TAF5L: variants seen among roughly 807,000 people sequenced by gnomAD.
The protein encoded by TAF5L is TAF5-like RNA polymerase II p300/CBP-associated factor-associated factor 65 kDa subunit 5L.
A neutral mutation model predicts 51.3 loss-of-function variants in TAF5L; 7 were observed. The observed-to-expected ratio is 0.14, with a 90% CI of 0.08 to 0.26. The LOEUF is 0.26. Ranked by LOEUF, TAF5L falls within the 10% of genes least tolerant of loss-of-function variation. The pLI, the probability that TAF5L is intolerant of heterozygous loss-of-function variation, is 1.00. For synonymous variants in TAF5L, 291 were observed against 308.1 expected (o/e 0.94, Z 0.58); for missense variants, 575 against 758.9 (o/e 0.76, Z 2.85).
rs1665332176 is a variant in TAF5L at position 229,624,225 on chromosome 1, C to T, written c.-4+1660G>A. 1.3e-5 allele frequency among the ~76,000 whole-genome samples: 2 copies of T among 152,230 alleles called. 1 individual carries two copies. Among genetic ancestry groups the T allele is most frequent in the South Asian group, 4.1e-4 (2 of 4,834 alleles). On this transcript the variant is annotated intron_variant, in intron 1 of 4. Transcript: ENST00000258281. ...CTAGTTTCACAGTGACAGAAGCTCACATAAGCCTCACATTTACAGGCAGGA... is the reference window on the plus strand; with the variant it reads ...CTAGTTTCACAGTGACAGAAGCTCATATAAGCCTCACATTTACAGGCAGGA...
At chr1:229,603,008 G>A in intron 3 of TAF5L, 89 bp from the exon 4 acceptor site, 4 of 1,467,170 alleles carry the variant, frequency 2.7e-6, no homozygotes, top group Non-Finnish European at 2.7e-6. Context: ...ATCATATAAT[G>A]CTTTCTTGCC....
chr1:229,598,242 C>T (rs911081612), intron 4 of TAF5L, among the ~76,000 whole-genome samples: 1 of 152,170 alleles, frequency 6.6e-6, no homozygotes, highest in African/African-American at 2.4e-5. Flanking sequence ...ATATTGCTTA[C>T]ATGCTGAAAT....
At chr1:229,601,463 G>A in intron 4 of TAF5L, 1 of 985,326 alleles carries the variant, frequency 1.0e-6, no homozygotes, top group Non-Finnish European at 1.2e-6. Context: ...ATCTTCCTTG[G>A]CCCACATTTT....
intron 3 of TAF5L, among the ~76,000 whole-genome samples, chr1:229,608,462 T>C (rs1389116048): frequency 1.3e-5 from 2 of 152,220 alleles, no homozygotes; most frequent in Admixed American, 1.3e-4. Context: ...TTCAGTGCAG[T>C]GATCAATTTC....
chr1:229,599,361 G>A (rs1164667364), intron 4 of TAF5L: 2 of 275,960 alleles, frequency 7.2e-6, no homozygotes, highest in Non-Finnish European at 1.1e-5. Flanking sequence ...CATTCACAGA[G>A]TTGTGCAATG....
At chr1:229,600,258 T>C (rs979890625) in intron 4 of TAF5L, 21 of 985,202 alleles carry the variant, frequency 2.1e-5, no homozygotes, top group Non-Finnish European at 2.5e-5. Context: ...TGGGCGGGCA[T>C]GCAGGAAGCC....
chr1:229,624,003 CA>C (rs973960981), intron 1 of TAF5L, among the ~76,000 whole-genome samples: 1 of 152,236 alleles, frequency 6.6e-6, no homozygotes, highest in African/African-American at 2.4e-5. Context: ...ACATACAAGA[CA>C]GGCTGGAAAC....
Position 229,594,688 on chromosome 1 carries a change from G to A in TAF5L, c.1379C>T (p.Ser460Leu), listed in dbSNP as rs375361853. ...ACGGTGGCCTGTGAAAAGCCTCACCGAGTTCCCCTGCTGAGCGCTCCACAG... is the reference window on the plus strand; with the variant it reads ...ACGGTGGCCTGTGAAAAGCCTCACCAAGTTCCCCTGCTGAGCGCTCCACAG... Residue 460 changes from serine (S) to leucine (L), a missense_variant, in exon 5 of 5, where the codon TCG becomes TTG. By Grantham distance (145) the Ser-to-Leu change is moderately radical (BLOSUM62 -2). Transcript: ENST00000258281. The surrounding 1 kb of genome is among the most constrained non-coding windows in gnomAD (Gnocchi z 7.9). 23 of 1,614,056 alleles carry A rather than the reference G, an allele frequency of 1.4e-5. No homozygotes were observed. Among genetic ancestry groups the A allele is most frequent in the East Asian group, 2.2e-5 (1 of 44,882 alleles).
In TAF5L at chr1:229,594,702, A is replaced by G. The variant is rs1250907581; in HGVS notation, c.1365T>C (p.Ala455=). 4 of 1,614,062 alleles carry G rather than the reference A, an allele frequency of 2.5e-6. No homozygotes were observed. Among genetic ancestry groups the G allele is most frequent in the Middle Eastern group, 1.6e-4 (1 of 6,084 alleles). Reference sequence around the variant, plus strand: ...AAAGCCTCACCGAGTTCCCCTGCTGAGCGCTCCACAGCCGGACGGTCTTGT... The same window carrying G: ...AAAGCCTCACCGAGTTCCCCTGCTGGGCGCTCCACAGCCGGACGGTCTTGT... The change falls in exon 5 of 5, where the codon GCT becomes GCC. Residue 455 remains alanine, a synonymous_variant. Coordinates refer to ENST00000258281, the Ensembl canonical transcript of TAF5L. This position sits in a 1 kb window ranked among gnomAD's most constrained non-coding sequence, Gnocchi z 7.9.
Position 229,596,521 on chromosome 1 carries a change from A to T in TAF5L, c.973-1427T>A, listed in dbSNP as rs555443784. Among the ~76,000 whole-genome samples the T allele has an allele frequency of 7.2e-5, 11 of 152,324 alleles. No individual in the cohort carries two copies. The South Asian group carries it at 2.3e-3, about 32-fold the overall frequency. ...AACATCTCCCCCAACGTAACAAAAC[A>T]AGGTGTGGATTCAGAAGTGCTTGAA... On this transcript the variant is annotated intron_variant, in intron 4 of 4. Coordinates refer to ENST00000258281, the Ensembl canonical transcript of TAF5L.
At chr1:229,599,353 T>C (rs1422397179) in intron 4 of TAF5L, 1 of 330,742 alleles carries the variant, frequency 3.0e-6, no homozygotes. Flanking sequence ...TTTTAGTACA[T>C]TCACAGAGTT....
At position 229,601,578 on chromosome 1, in the gene TAF5L, C is replaced by T. The variant is rs141518474; in HGVS notation, c.972+617G>A. 57 of 985,830 alleles carry T rather than the reference C, an allele frequency of 5.8e-5. 1 individual carries two copies. The East Asian group carries it at 7.9e-4, about 14-fold the overall frequency. 61.1% of individuals were successfully genotyped at this position (985,830 alleles called of 1,614,324 possible). A position where few individuals can be genotyped will look rare whatever the true frequency, so the allele number is the denominator to read the frequency against. ...CCAAACAAGATTGAACACTGACTGA[C>T]GGGGGGAGGGGAGCTGGCAACTCTA... is the stretch of plus-strand genomic sequence containing the variant. On this transcript the variant is annotated intron_variant, in intron 4 of 4. Transcript: ENST00000258281.
intron 1 of TAF5L, among the ~76,000 whole-genome samples, chr1:229,619,880 G>A (rs1015590071): frequency 1.1e-4 from 16 of 151,898 alleles, no homozygotes; most frequent in African/African-American, 3.6e-4. Flanking sequence ...TCACATTCCC[G>A]GCTTCACCAC....
intron 1 of TAF5L, among the ~76,000 whole-genome samples, chr1:229,622,950 A>T (rs1215664169): frequency 6.6e-6 from 1 of 152,138 alleles, no homozygotes; most frequent in Non-Finnish European, 1.5e-5. Flanking sequence ...CTTTCCAAGG[A>T]GCTAATCTGA....
intron 1 of TAF5L, among the ~76,000 whole-genome samples, chr1:229,622,057 CTATCTATCTATA>C (rs1558156029): frequency 8.1e-6 from 1 of 124,066 alleles, no homozygotes; most frequent in East Asian, 2.4e-4. Context: ...ATCTATCTAT[CTATCTATCTATA>C]CAGATAGATA....
intron 4 of TAF5L, chr1:229,600,690 C>T (rs151327074): frequency 1.1e-5 from 11 of 985,422 alleles, no homozygotes; most frequent in South Asian, 4.7e-5. Context: ...CCTGGAATTC[C>T]GCATGCGGTT....
In TAF5L at chr1:229,606,985, T is replaced by A. The variant is rs796271228; in HGVS notation, c.247+3121A>T. ...ACTTCTTAAGACTTTAATTTGCATCTCCATGTAGCTGATGCTACATGTTCT... is the reference window on the plus strand; with the variant it reads ...ACTTCTTAAGACTTTAATTTGCATCACCATGTAGCTGATGCTACATGTTCT... On this transcript the variant is annotated intron_variant, in intron 3 of 4. Transcript: ENST00000258281. The A allele has an allele frequency of 3.6e-5, 35 of 985,442 alleles. No homozygotes were observed. In the African/African-American group the frequency reaches 4.9e-4, roughly 14 times the overall value. 61.0% of individuals were successfully genotyped at this position (985,442 alleles called of 1,614,324 possible).
chr1:229,602,265 T>C lies in TAF5L; in HGVS notation c.902A>G (p.Lys301Arg), dbSNP rs764944471. The change falls in exon 4 of 5, where the codon AAG (lysine) becomes AGG (arginine). Residue 301 changes from lysine (K) to arginine (R), a missense_variant. Lys to Arg is a conservative substitution (Grantham distance 26, BLOSUM62 2). Transcript: ENST00000258281. The surrounding 1 kb of genome is among the most constrained non-coding windows in gnomAD (Gnocchi z 4.6). Reference sequence around the variant, plus strand: ...TACTTGGTGGGGCTCTGATTTTAACTTCTTGGATCGTAAACTCCAAAGTTT... The same window carrying C: ...TACTTGGTGGGGCTCTGATTTTAACCTCTTGGATCGTAAACTCCAAAGTTT... 14 of 1,614,196 alleles carry C rather than the reference T, an allele frequency of 8.7e-6. No homozygotes were observed. In the East Asian group the frequency reaches 2.9e-4, roughly 33 times the overall value.
chr1:229,596,179 T>C (rs1467787398), intron 4 of TAF5L, among the ~76,000 whole-genome samples: 1 of 151,926 alleles, frequency 6.6e-6, no homozygotes, highest in Non-Finnish European at 1.5e-5. Context: ...GAGGCTAAGG[T>C]AGGAGGCTCA....
Sources: gnomAD v4.1 joint callset for allele counts (sites outside exome capture counted in the v4.1 genomes callset) on GRCh38, gnomAD v4.1.1 for gene constraint, Gnocchi (gnomAD v3.1) non-coding constraint, MANE v1.5 for transcripts, NCBI Gene and HGNC (gene_info 2026-07-23, HGNC 2026-07-21) for gene names.